The following WIPI2 variants were observed in gnomAD, a reference collection of about 807,000 sequenced individuals.
WIPI2 encodes WD repeat domain phosphoinositide-interacting protein 2.
In WIPI2, 28 loss-of-function variants were observed where a neutral mutation model predicts 52.3. The observed-to-expected ratio is 0.54, with a 90% CI of 0.40 to 0.73. The LOEUF (loss-of-function observed/expected upper bound fraction) is 0.73. Ranked by LOEUF, WIPI2 falls within the 30% of genes least tolerant of loss-of-function variation. The pLI, the probability that WIPI2 is intolerant of heterozygous loss-of-function variation, is 0.00. For missense variants in WIPI2, 506 were observed against 602.9 expected (o/e 0.84, Z 1.68); for synonymous variants, 268 against 245.0 (o/e 1.09, Z -0.88).
intron 8 of WIPI2, chr7:5,222,959 G>A: frequency 2.5e-6 from 1 of 402,032 alleles, no homozygotes; most frequent in Non-Finnish European, 4.6e-6. Context: ...CTCCCAGCCT[G>A]CTGTAAGGGA....
chr7:5,198,896 C>T (rs978135182), intron 2 of WIPI2, among the ~76,000 whole-genome samples: 6 of 152,204 alleles, frequency 3.9e-5, no homozygotes, highest in African/African-American at 1.4e-4. Flanking sequence ...ATATCTATCA[C>T]CTCAAATAGT....
At chr7:5,218,852 C>A (rs376333877) in intron 7 of WIPI2, 1 of 152,056 alleles carries the variant, frequency 6.6e-6, no homozygotes, top group Non-Finnish European at 1.5e-5. Flanking sequence ...GTCTTGAGGT[C>A]GCGTCTGTTC....
intron 8 of WIPI2, among the ~76,000 whole-genome samples, chr7:5,224,683 A>G (rs1783338456): frequency 6.6e-6 from 1 of 152,208 alleles, no homozygotes; most frequent in Admixed American, 6.5e-5. Context: ...GCTGGGGGCC[A>G]CAAGATCAGA....
chr7:5,231,515 T>C lies in WIPI2; in HGVS notation c.*568T>C, dbSNP rs1783723433. The C allele has an allele frequency of 6.6e-6, 1 of 152,290 alleles. No individual in the cohort carries two copies. Among genetic ancestry groups the C allele is most frequent in the African/African-American group, 2.4e-5 (1 of 41,436 alleles). 9.4% of individuals were successfully genotyped at this position (152,290 alleles called of 1,614,324 possible). ...GTTTTATTTTGTTAATTAAATTCTT[T>C]CCAAATTGGATCGCTCTGGGATTTC... On this transcript the variant is annotated 3_prime_UTR_variant, in exon 13 of 13. Transcript: ENST00000288828.
chr7:5,225,673 G>A, intron 8 of WIPI2, 150 bp from the exon 9 acceptor site: 1 of 594,878 alleles, frequency 1.7e-6, no homozygotes, highest in Non-Finnish European at 3.0e-6. Context: ...CTCTCTCAAG[G>A]AAAATGTTTG....
intron 1 of WIPI2, 92 bp downstream of exon 1, chr7:5,190,585 C>A (rs985062178): frequency 2.4e-6 from 3 of 1,237,552 alleles, no homozygotes; most frequent in Non-Finnish European, 3.1e-6. Context: ...GGCGGCGTCG[C>A]AGGCTCGGCC....
intron 7 of WIPI2, among the ~76,000 whole-genome samples, chr7:5,220,772 A>T (rs1286189451): frequency 2.0e-5 from 3 of 151,734 alleles, no homozygotes; most frequent in Non-Finnish European, 4.4e-5. Flanking sequence ...TACTGCATTC[A>T]GCTTAGATAG....
chr7:5,220,352 C>T (rs1372603749), intron 7 of WIPI2, among the ~76,000 whole-genome samples: 1 of 151,812 alleles, frequency 6.6e-6, no homozygotes, highest in East Asian at 1.9e-4. Flanking sequence ...AAGCAGTTCT[C>T]CTGCCGCAGC....
chr7:5,201,366 T>C (rs1398759834), intron 3 of WIPI2, among the ~76,000 whole-genome samples: 1 of 152,232 alleles, frequency 6.6e-6, no homozygotes, highest in Non-Finnish European at 1.5e-5. Context: ...TTTCCTCAAA[T>C]TGAAGTTTAG....
At chr7:5,217,542 C>T (rs919071917) in intron 6 of WIPI2, 3 of 392,054 alleles carry the variant, frequency 7.7e-6, no homozygotes, top group Non-Finnish European at 1.4e-5. Context: ...AGCCATCCTC[C>T]CGCCTCGGCC....
At chr7:5,215,906 C>T (rs1217085132) in intron 4 of WIPI2, among the ~76,000 whole-genome samples, 1 of 152,144 alleles carries the variant, frequency 6.6e-6, no homozygotes, top group African/African-American at 2.4e-5. Context: ...AATGTTAGAC[C>T]TTTTAAAACC....
chr7:5,196,958 A>T (rs955355143), intron 2 of WIPI2, among the ~76,000 whole-genome samples: 6 of 151,670 alleles, frequency 4.0e-5, no homozygotes, highest in Non-Finnish European at 8.8e-5. Context: ...CTAGAAATAC[A>T]AAAATTAGCC....
chr7:5,216,127 C>T (rs984535292), intron 4 of WIPI2: 2 of 140,326 alleles, frequency 1.4e-5, no homozygotes, highest in African/African-American at 5.2e-5. Context: ...TGATGGAAAG[C>T]AGCTGTATCC....
intron 2 of WIPI2, among the ~76,000 whole-genome samples, chr7:5,197,851 C>CT (rs1400196256): frequency 6.6e-6 from 1 of 152,192 alleles, no homozygotes; most frequent in African/African-American, 2.4e-5. Flanking sequence ...ATCCTGGTAT[C>CT]TGATTCCTCT....
At chr7:5,221,964 T>TTC (rs1783159976) in intron 7 of WIPI2, among the ~76,000 whole-genome samples, 1 of 124,772 alleles carries the variant, frequency 8.0e-6, no homozygotes, top group African/African-American at 2.9e-5. Context: ...TTTTTTTTTT[T>TTC]TCCCCCCCCG....
intron 3 of WIPI2, among the ~76,000 whole-genome samples, chr7:5,211,149 G>A (rs1054509676): frequency 6.6e-6 from 1 of 152,196 alleles, no homozygotes; most frequent in East Asian, 1.9e-4. Flanking sequence ...TGTGACCTCA[G>A]CCAGGAACAT....
Position 5,227,755 on chromosome 7 carries a change from CA to C in WIPI2, c.1014-348del, listed in dbSNP as rs1352315560. 6.6e-6 allele frequency among the ~76,000 whole-genome samples: 1 copy of C among 152,182 alleles called. No homozygotes were observed. The highest frequency in any genetic ancestry group is 1.5e-5 in the Non-Finnish European group (1 of 68,022). ...GTGCGGGAAAGATTGTCATTACACCCAGTGATGGCAGGGCTTTGGGCTTCCG... is the reference window on the plus strand; with the variant it reads ...GTGCGGGAAAGATTGTCATTACACCCGTGATGGCAGGGCTTTGGGCTTCCG... On this transcript the variant is annotated intron_variant, in intron 10 of 12. Coordinates refer to ENST00000288828, the MANE Select transcript of WIPI2 (RefSeq NM_015610.4). This position sits in a 1 kb window ranked among gnomAD's most constrained non-coding sequence, Gnocchi z 8.1.
chr7:5,226,979 C>G lies in WIPI2; in HGVS notation c.849-201C>G, dbSNP rs115985045. ...AGCTCCTCCCTGAAGCCTGAGCACC[C>G]CTCCCCCGACACCTCCCAGAGGAAG... On this transcript the variant is annotated intron_variant, in intron 9 of 12. Coordinates refer to ENST00000288828, the MANE Select transcript of WIPI2 (RefSeq NM_015610.4). 7.4e-3 allele frequency: 4,766 copies of G among 644,456 alleles called. 161 individuals carry two copies. The African/African-American group carries it at 0.075, about 10-fold the overall frequency. The allele number at this position is 644,456 out of a possible 1,614,324, so 39.9% of individuals were successfully genotyped here.
intron 3 of WIPI2, among the ~76,000 whole-genome samples, chr7:5,207,397 A>G (rs1412954225): frequency 6.6e-6 from 1 of 152,132 alleles, no homozygotes; most frequent in Non-Finnish European, 1.5e-5. Context: ...CTTTTCTAGA[A>G]CTTGATATGA....
Sources: gnomAD v4.1 joint callset for allele counts (sites outside exome capture counted in the v4.1 genomes callset) on GRCh38, gnomAD v4.1.1 for gene constraint, Gnocchi (gnomAD v3.1) non-coding constraint, MANE v1.5 for transcripts, NCBI Gene and HGNC (gene_info 2026-07-23, HGNC 2026-07-21) for gene names.